The following OMA1 variants were observed in gnomAD, a reference collection of about 807,000 sequenced individuals.
OMA1 encodes OMA1 zinc metallopeptidase.
In OMA1, 38 loss-of-function variants were observed where a neutral mutation model predicts 30.9. The observed-to-expected ratio is 1.23, with a 90% CI of 0.95 to 1.61. OMA1 has a LOEUF of 1.61. Among genes scored for constraint, OMA1 ranks in the 40% most tolerant of loss-of-function variants. OMA1 has a pLI of 0.00. For missense variants in OMA1, 461 were observed against 349.2 expected (o/e 1.32, Z -2.55); for synonymous variants, 173 against 121.9 (o/e 1.42, Z -2.76).
At position 58,501,940 on chromosome 1, in the gene OMA1, G is replaced by GC. The variant is rs571816798; in HGVS notation, c.1365+4119dup. On this transcript the variant is annotated intron_variant, in intron 8 of 8. Transcript: ENST00000371226. The stretch of plus-strand genomic sequence containing the variant: ...TCCCTCCTCACTGCCCCCCACTCCC[G>GC]CCCCCAGCACCAAATTTATTATCTG... Among the ~76,000 whole-genome samples the GC allele has an allele frequency of 1.8e-4, 26 of 148,494 alleles. No individual in the cohort carries two copies. The East Asian group carries it at 4.0e-3, about 23-fold the overall frequency.
intron 8 of OMA1, among the ~76,000 whole-genome samples, chr1:58,492,768 T>A (rs1456642659): frequency 2.0e-5 from 3 of 152,170 alleles, no homozygotes; most frequent in Admixed American, 6.5e-5. Context: ...ATTGGGGCAA[T>A]AATTAATAGC....
chr1:58,532,108 C>A (rs1646443292), intron 5 of OMA1, among the ~76,000 whole-genome samples: 1 of 152,126 alleles, frequency 6.6e-6, no homozygotes, highest in Non-Finnish European at 1.5e-5. Flanking sequence ...TGCTATTATA[C>A]AGTCTTAGAA....
chr1:58,520,912 G>C (rs909403376), intron 7 of OMA1, among the ~76,000 whole-genome samples: 3 of 152,132 alleles, frequency 2.0e-5, no homozygotes, highest in Non-Finnish European at 1.5e-5. Flanking sequence ...AAAAAAATCA[G>C]CAAGAATATA....
intron 6 of OMA1, among the ~76,000 whole-genome samples, chr1:58,529,809 A>C (rs184428711): frequency 3.0e-4 from 46 of 152,336 alleles, no homozygotes; most frequent in Admixed American, 6.5e-4. Flanking sequence ...ATTGAATTAC[A>C]AGTAATCTAG....
chr1:58,508,583 C>T (rs753650313), intron 7 of OMA1, among the ~76,000 whole-genome samples: 10 of 152,160 alleles, frequency 6.6e-5, no homozygotes, highest in Admixed American at 2.6e-4. Context: ...ACCTGCAGCT[C>T]CCCACCACTC....
chr1:58,500,284 C>T (rs569265037), intron 8 of OMA1, among the ~76,000 whole-genome samples: 101 of 152,194 alleles, frequency 6.6e-4, no homozygotes, highest in African/African-American at 2.4e-3. Context: ...ATGATATTTG[C>T]CTTTTCCTCA....
chr1:58,488,680 G>A (rs867093179), intron 8 of OMA1, among the ~76,000 whole-genome samples: 9 of 152,118 alleles, frequency 5.9e-5, no homozygotes, highest in Admixed American at 3.3e-4. Context: ...TTGAACTCCC[G>A]ACCTCAGGTA....
chr1:58,495,701 T>TAAAAA (rs5774412), intron 8 of OMA1, among the ~76,000 whole-genome samples: 43 of 145,070 alleles, frequency 3.0e-4, no homozygotes, highest in African/African-American at 1.0e-3. Context: ...TCTTCCACCA[T>TAAAAA]AAAAAAAAAA....
chr1:58,481,140 G>A lies in OMA1; in HGVS notation c.1400C>T (p.Pro467Leu). ...LKIREMCNCP[P>L]LSNPDPRLLF... is the part of the protein sequence containing the mutation. ...TAATCGAGGGTCTGGATTAGACAGT[G>A]GTGGACAATTACACATCTCTCTAAT... Residue 467 changes from proline to leucine, a missense_variant, in exon 9 of 9, where the codon CCA (proline) becomes CTA (leucine). Physicochemically the swap from Pro to Leu is moderately conservative, Grantham distance 98 (BLOSUM62 -3). Coordinates refer to ENST00000371226, the MANE Select transcript of OMA1 (RefSeq NM_145243.5). The A allele has an allele frequency of 2.3e-6, 2 of 864,250 alleles. No homozygotes were observed. The highest frequency in any genetic ancestry group is 4.4e-4 in the Middle Eastern group (2 of 4,574). 53.5% of individuals were successfully genotyped at this position (864,250 alleles called of 1,614,324 possible). A position where few individuals can be genotyped will look rare whatever the true frequency, so the allele number is the denominator to read the frequency against.
intron 5 of OMA1, 99 bp downstream of exon 5, chr1:58,533,854 A>AT: frequency 1.3e-6 from 1 of 752,158 alleles, no homozygotes. Context: ...AAAGTCTATC[A>AT]TTTTTAAAAA....
At chr1:58,529,941 C>A (rs1251115489) in intron 6 of OMA1, among the ~76,000 whole-genome samples, 12 of 151,986 alleles carry the variant, frequency 7.9e-5, no homozygotes, top group Admixed American at 2.6e-4. Context: ...AGTGCAGTGG[C>A]GCAATCTCGG....
chr1:58,502,875 T>C (rs72672211), intron 8 of OMA1, among the ~76,000 whole-genome samples: 7,328 of 152,306 alleles, frequency 0.048, 223 homozygotes, highest in African/African-American at 0.063. Context: ...TAAGAAATTA[T>C]ATGAGGTTTT....
chr1:58,529,847 T>C (rs9660901), intron 6 of OMA1, among the ~76,000 whole-genome samples: 88,441 of 152,120 alleles, frequency 0.58, 27,984 homozygotes, highest in East Asian at 0.82. Context: ...TGAGAGGATG[T>C]GCATAGTTAC....
chr1:58,543,593 T>C (rs1199782101), intron 1 of OMA1, among the ~76,000 whole-genome samples: 1 of 152,174 alleles, frequency 6.6e-6, no homozygotes, highest in Admixed American at 6.5e-5. Context: ...GCATTATTTC[T>C]AAAATGCAAA....
chr1:58,545,643 A>G (rs772550502), intron 1 of OMA1, among the ~76,000 whole-genome samples: 27 of 152,322 alleles, frequency 1.8e-4, no homozygotes, highest in Non-Finnish European at 2.8e-4. Context: ...AGCCTCTACG[A>G]ACATTTCAGA....
chr1:58,544,912 AT>A (rs1384324649), intron 1 of OMA1, among the ~76,000 whole-genome samples: 2 of 151,694 alleles, frequency 1.3e-5, no homozygotes, highest in African/African-American at 4.8e-5. Flanking sequence ...TAATTTTTTA[AT>A]TTTTTTCTGT....
chr1:58,518,637 AACCCT>A (rs572569258), intron 7 of OMA1, among the ~76,000 whole-genome samples: 47,237 of 151,716 alleles, frequency 0.31, 7,796 homozygotes, highest in African/African-American at 0.42. Context: ...TTTATCTATA[AACCCT>A]GGAGGACTCC....
chr1:58,500,760 A>G (rs1645893667), intron 8 of OMA1, among the ~76,000 whole-genome samples: 1 of 152,148 alleles, frequency 6.6e-6, no homozygotes, highest in Non-Finnish European at 1.5e-5. Flanking sequence ...TTCACCCAAC[A>G]AAGAGGGGAT....
At chr1:58,482,012 T>C (rs959696563) in intron 8 of OMA1, among the ~76,000 whole-genome samples, 2 of 152,188 alleles carry the variant, frequency 1.3e-5, no homozygotes, top group Admixed American at 6.5e-5. Context: ...ATCAAAATCA[T>C]GACAATTTTT....
Sources: allele counts gnomAD v4.1 joint callset (sites outside exome capture counted in the v4.1 genomes callset), GRCh38; gene constraint gnomAD v4.1.1; transcripts MANE v1.5; gene names NCBI Gene and HGNC (gene_info 2026-07-23, HGNC 2026-07-21).